Variants in RAB8B observed in about 807,000 individuals in gnomAD.
RAB8B encodes RAB8B, member RAS oncogene family, also known as ras-related protein Rab-8B.
In RAB8B, 11 loss-of-function variants were observed where a neutral mutation model predicts 32.0. That is an observed-to-expected ratio of 0.34 (90% CI 0.22 to 0.57). The LOEUF (loss-of-function observed/expected upper bound fraction) is 0.57. Among genes scored for constraint, RAB8B ranks in the 20% least tolerant of loss-of-function variants. The probability of loss-of-function intolerance (pLI) is 0.86; values close to 1 mark genes in which losing one functional copy is unlikely to be tolerated. For missense variants in RAB8B, 190 were observed against 258.5 expected, an observed-to-expected ratio of 0.73 and a Z score of 1.82; for synonymous variants, 103 against 89.6, an observed-to-expected ratio of 1.15 and a Z score of -0.85.
chr15:63,239,683 C>T (rs997730272), intron 1 of RAB8B, among the ~76,000 whole-genome samples: 2 of 152,142 alleles, frequency 1.3e-5, no homozygotes, highest in African/African-American at 2.4e-5. Context: ...GCTGGGATTA[C>T]AGGCGTGAGC....
In RAB8B at chr15:63,264,258, T is replaced by A. The variant is rs549205303; in HGVS notation, c.*639T>A. 1 of 152,358 alleles carries A rather than the reference T, an allele frequency of 6.6e-6. No homozygotes were observed. The highest frequency in any genetic ancestry group is 6.5e-5 in the Admixed American group (1 of 15,304). The allele number at this position is 152,358 out of a possible 1,614,324, so 9.4% of individuals were successfully genotyped here. On this transcript the variant is annotated 3_prime_UTR_variant, in exon 8 of 8. Transcript: ENST00000321437. ...ACCTGTTTTCCAGAGTCTGGGTAGC[T>A]GAATGAATCACTTTAAAATGATTAC...
rs79674965 is a variant in RAB8B, at chr15:63,243,706, G to C, written c.125-1050G>C. Among the ~76,000 whole-genome samples, 1,095 of 152,234 alleles carry C rather than the reference G, an allele frequency of 7.2e-3. 15 individuals carry two copies. The highest frequency in any genetic ancestry group is 0.024 in the African/African-American group (1,016 of 41,536). On this transcript the variant is annotated intron_variant, in intron 1 of 7. Transcript: ENST00000321437. ...TCTCAGAATTTGGGGAAGGGGGCAG[G>C]CCTAATCATGAGGATTTTTTTTTTC...
chr15:63,212,590 A>G (rs1159578626), intron 1 of RAB8B, among the ~76,000 whole-genome samples: 1 of 152,250 alleles, frequency 6.6e-6, no homozygotes, highest in Non-Finnish European at 1.5e-5. Context: ...TCATATAACT[A>G]GATAGGGGAA....
At chr15:63,244,359 G>T (rs1436332996) in intron 1 of RAB8B, among the ~76,000 whole-genome samples, 1 of 152,212 alleles carries the variant, frequency 6.6e-6, no homozygotes, top group Non-Finnish European at 1.5e-5. Context: ...AGGAGATGGA[G>T]GAATATTCTT....
intron 5 of RAB8B, among the ~76,000 whole-genome samples, chr15:63,258,247 G>C (rs567373111): frequency 1.3e-5 from 2 of 151,846 alleles, no homozygotes. Context: ...GATTATAGAC[G>C]TCTGCCACCA....
chr15:63,244,572 G>A (rs1466374753), intron 1 of RAB8B, among the ~76,000 whole-genome samples, 184 bp from the exon 2 acceptor site: 1 of 152,190 alleles, frequency 6.6e-6, no homozygotes, highest in Non-Finnish European at 1.5e-5. Context: ...GGAATTCTTT[G>A]CTGAGTAATT....
chr15:63,214,399 C>T (rs2037774603), intron 1 of RAB8B, among the ~76,000 whole-genome samples: 1 of 145,568 alleles, frequency 6.9e-6, no homozygotes. Context: ...TGCAGCGATT[C>T]TCCTGCCTCA....
chr15:63,210,232 G>A (rs1404818695), intron 1 of RAB8B, among the ~76,000 whole-genome samples: 2 of 152,144 alleles, frequency 1.3e-5, no homozygotes, highest in Non-Finnish European at 2.9e-5. Flanking sequence ...CAGGTAAGAG[G>A]CTACAGTTTC....
intron 1 of RAB8B, among the ~76,000 whole-genome samples, chr15:63,226,181 C>G (rs186615235): frequency 2.0e-5 from 3 of 152,310 alleles, no homozygotes; most frequent in Admixed American, 6.5e-5. Context: ...TTGCCCTTGC[C>G]TTAGTCAATC....
intron 1 of RAB8B, among the ~76,000 whole-genome samples, chr15:63,235,404 A>G (rs971594255): frequency 6.6e-6 from 1 of 152,118 alleles, no homozygotes. Flanking sequence ...ACCTCCATGT[A>G]TGTTTTCCAG....
rs1368820655 is a variant in RAB8B at position 63,259,103 on chromosome 15, A to AATT, written c.415-511_415-509dup. Among the ~76,000 whole-genome samples, 1 of 151,892 alleles carries AATT rather than the reference A, an allele frequency of 6.6e-6. No individual in the cohort carries two copies. Among genetic ancestry groups the AATT allele is most frequent in the African/African-American group, 2.4e-5 (1 of 41,346 alleles). On this transcript the variant is annotated intron_variant, in intron 5 of 7. Transcript: ENST00000321437. The surrounding 1 kb of genome is among the most constrained non-coding windows in gnomAD (Gnocchi z 4.4). ...AAACAGAAAAAAAGAGAAGTACTTA[A>AATT]ATTATTATTATTATTTTATTTATTT...
chr15:63,255,396 G>C (rs147933523), intron 3 of RAB8B, 111 bp from the exon 4 acceptor site: 1 of 654,594 alleles, frequency 1.5e-6, no homozygotes, highest in East Asian at 3.1e-5. Flanking sequence ...CCTTTTTAAA[G>C]GGAAAAAATG....
chr15:63,259,617 T>G lies in RAB8B; in HGVS notation c.415-10T>G, dbSNP rs1487616451. 5 of 1,610,170 alleles carry G rather than the reference T, an allele frequency of 3.1e-6. No individual in the cohort carries two copies. Among genetic ancestry groups the G allele is most frequent in the Non-Finnish European group, 4.2e-6 (5 of 1,176,516 alleles). ...TTTGCTAAATTTAAATATTTCTGTTTACTTTTCAGCTAGCAATTGACTATG... is the reference window on the plus strand; with the variant it reads ...TTTGCTAAATTTAAATATTTCTGTTGACTTTTCAGCTAGCAATTGACTATG... On this transcript the variant is annotated splice_polypyrimidine_tract_variant and intron_variant, in intron 5 of 7. Coordinates refer to ENST00000321437, the MANE Select transcript of RAB8B (RefSeq NM_016530.3). The surrounding 1 kb of genome is among the most constrained non-coding windows in gnomAD (Gnocchi z 4.4).
At chr15:63,244,947 A>G (rs182684584) in intron 2 of RAB8B, 131 bp downstream of exon 2, 56 of 753,990 alleles carry the variant, frequency 7.4e-5, no homozygotes, top group Non-Finnish European at 1.0e-4. Flanking sequence ...CCAAGGGGAA[A>G]TAAGTAAGCA....
At chr15:63,208,233 C>G (rs1745062681) in intron 1 of RAB8B, among the ~76,000 whole-genome samples, 1 of 152,280 alleles carries the variant, frequency 6.6e-6, no homozygotes, top group East Asian at 1.9e-4. Flanking sequence ...CCCAGGGACC[C>G]TCAACATCTG....
chr15:63,196,047 G>T (rs536581203), intron 1 of RAB8B, among the ~76,000 whole-genome samples: 1 of 152,344 alleles, frequency 6.6e-6, no homozygotes, highest in African/African-American at 2.4e-5. Flanking sequence ...CTCTCTTAGG[G>T]CGTGGCTGCT....
chr15:63,236,214 A>G (rs1171041263), intron 1 of RAB8B, among the ~76,000 whole-genome samples: 1 of 152,220 alleles, frequency 6.6e-6, no homozygotes, highest in Non-Finnish European at 1.5e-5. Context: ...ATTTAGCATA[A>G]GAGTCAATTC....
intron 1 of RAB8B, among the ~76,000 whole-genome samples, chr15:63,214,246 A>G (rs1910093): frequency 0.95 from 142,721 of 149,884 alleles, 68,032 homozygotes; most frequent in East Asian, 1. Context: ...AGAATTCAAC[A>G]GTGTTGAATT....
At position 63,259,491 on chromosome 15, in the gene RAB8B, G is replaced by C; in HGVS notation, c.415-136G>C. 2.9e-6 allele frequency: 2 copies of C among 678,590 alleles called. No homozygotes were observed. The highest frequency in any genetic ancestry group is 5.0e-6 in the Non-Finnish European group (2 of 401,592). The allele number at this position is 678,590 out of a possible 1,614,324, so 42.0% of individuals were successfully genotyped here. A position where few individuals can be genotyped will look rare whatever the true frequency, so the allele number is the denominator to read the frequency against. ...TAAATTCTGAATACAGTAGAAGAAAGCAAAGAAATTTGAGAACCACAGGAG... is the reference window on the plus strand; with the variant it reads ...TAAATTCTGAATACAGTAGAAGAAACCAAAGAAATTTGAGAACCACAGGAG... On this transcript the variant is annotated intron_variant, in intron 5 of 7. Transcript: ENST00000321437. This position sits in a 1 kb window ranked among gnomAD's most constrained non-coding sequence, Gnocchi z 4.4.
Sources: allele counts gnomAD v4.1 joint callset (sites outside exome capture counted in the v4.1 genomes callset), GRCh38; gene constraint gnomAD v4.1.1; non-coding constraint Gnocchi (gnomAD v3.1); transcripts MANE v1.5; gene names NCBI Gene and HGNC (gene_info 2026-07-23, HGNC 2026-07-21).